The following EYA4 variants were observed in gnomAD, a reference collection of about 807,000 sequenced individuals.
The protein encoded by EYA4 is EYA transcriptional coactivator and phosphatase 4, also known as protein phosphatase EYA4.
Under a neutral mutation model 87.9 loss-of-function variants are expected in EYA4, and 31 were observed. The observed-to-expected ratio is 0.35, with a 90% CI of 0.27 to 0.48. The LOEUF (loss-of-function observed/expected upper bound fraction) is 0.48, where lower values mean the gene tolerates loss of function less well. Ranked by LOEUF, EYA4 falls within the 20% of genes least tolerant of loss-of-function variation. The pLI is 0.99. For synonymous variants in EYA4, 263 were observed against 270.6 expected, an observed-to-expected ratio of 0.97 and a Z score of 0.28; for missense variants, 678 against 761.4, an observed-to-expected ratio of 0.89 and a Z score of 1.29.
chr6:133,446,594 A>G (rs756894598), intron 3 of EYA4, 36 bp from the exon 4 acceptor site: 6 of 1,613,116 alleles, frequency 3.7e-6, no homozygotes, highest in East Asian at 2.2e-5. Flanking sequence ...AACTGCTGCA[A>G]TTTCAACTTT....
chr6:133,482,260 G>A lies in EYA4; in HGVS notation c.1107+661G>A, dbSNP rs183399013. On this transcript the variant is annotated intron_variant, in intron 12 of 19. Transcript: ENST00000355286. ...GATTTAGTAAAATCAAGTGACAGACGTTGTGATTCTTTATAAGAGATAACT... is the reference window on the plus strand; with the variant it reads ...GATTTAGTAAAATCAAGTGACAGACATTGTGATTCTTTATAAGAGATAACT... Among the ~76,000 whole-genome samples, 552 of 152,298 alleles carry A rather than the reference G, an allele frequency of 3.6e-3. 1 individual carries two copies. The highest frequency in any genetic ancestry group is 6.8e-3 in the Middle Eastern group (2 of 294).
rs117714284 is a variant in EYA4, at chr6:133,488,576, A to G, written c.1191+5461A>G. On this transcript the variant is annotated intron_variant, in intron 13 of 19. Transcript: ENST00000355286. ...GAGAGAGACCCCATTTGTTTGGGAG[A>G]AAGTAAGGGAATAGAACAAAAGTCT... Among the ~76,000 whole-genome samples the G allele has an allele frequency of 3.8e-3, 577 of 152,208 alleles. 4 individuals are homozygous for G. The highest frequency in any genetic ancestry group is 7.1e-3 in the Non-Finnish European group (484 of 68,014).
chr6:133,276,919 G>T (rs1344413623), intron 2 of EYA4, among the ~76,000 whole-genome samples: 1 of 141,836 alleles, frequency 7.1e-6, no homozygotes, highest in African/African-American at 2.6e-5. Flanking sequence ...AAAAAAAAAA[G>T]AAAAGAAAAA....
At chr6:133,339,269 ACAAGTTCAAATAC>A (rs1473508453) in intron 2 of EYA4, among the ~76,000 whole-genome samples, 1 of 152,202 alleles carries the variant, frequency 6.6e-6, no homozygotes, top group African/African-American at 2.4e-5. Context: ...TCTGAAGGAG[ACAAGTTCAAATAC>A]CAAGCTCAAA....
At chr6:133,504,878 C>T (rs1798455866) in intron 13 of EYA4, among the ~76,000 whole-genome samples, 1 of 152,088 alleles carries the variant, frequency 6.6e-6, no homozygotes, top group South Asian at 2.1e-4. Flanking sequence ...CTTGAAATGC[C>T]AACTATTAGA....
intron 2 of EYA4, among the ~76,000 whole-genome samples, chr6:133,278,289 T>G (rs1777342122): frequency 6.6e-6 from 1 of 152,120 alleles, no homozygotes; most frequent in Non-Finnish European, 1.5e-5. Context: ...ACTACCTCCT[T>G]TCTTCTCACC....
intron 11 of EYA4, among the ~76,000 whole-genome samples, chr6:133,473,744 C>A (rs925185779): frequency 1.3e-5 from 2 of 151,924 alleles, no homozygotes; most frequent in Admixed American, 1.3e-4. Context: ...GGCTTTTCAG[C>A]TAGCCTTAGC....
intron 2 of EYA4, among the ~76,000 whole-genome samples, chr6:133,377,175 C>T (rs868440763): frequency 1.3e-5 from 2 of 151,852 alleles, no homozygotes; most frequent in Admixed American, 6.6e-5. Context: ...AAATCCTATG[C>T]GTATTTTAAA....
chr6:133,467,252 AGG>A (rs575671017), intron 10 of EYA4, among the ~76,000 whole-genome samples: 1 of 152,236 alleles, frequency 6.6e-6, no homozygotes, highest in South Asian at 2.1e-4. Flanking sequence ...TGTTTGACTT[AGG>A]CACTCTGGGT....
At chr6:133,282,834 C>T (rs1582840152) in intron 2 of EYA4, among the ~76,000 whole-genome samples, 2 of 152,144 alleles carry the variant, frequency 1.3e-5, no homozygotes, top group East Asian at 1.9e-4. Context: ...CACCAAGCCT[C>T]ATAACTGCTA....
At chr6:133,452,445 CAG>C (rs55937594) in intron 5 of EYA4, among the ~76,000 whole-genome samples, 119 of 152,158 alleles carry the variant, frequency 7.8e-4, no homozygotes, top group Non-Finnish European at 1.5e-3. Context: ...GATAATAAAA[CAG>C]ACTTTCTCTA....
At chr6:133,476,015 T>A (rs1283674332) in intron 11 of EYA4, among the ~76,000 whole-genome samples, 2 of 152,088 alleles carry the variant, frequency 1.3e-5, no homozygotes, top group African/African-American at 2.4e-5. Flanking sequence ...TTATTTTAAT[T>A]TATTGTTTAA....
chr6:133,349,749 C>T (rs1244290915), intron 2 of EYA4, among the ~76,000 whole-genome samples: 1 of 152,114 alleles, frequency 6.6e-6, no homozygotes, highest in Admixed American at 6.5e-5. Context: ...CATAGGCAAA[C>T]AGTGCCTTGC....
At chr6:133,243,724 G>T (rs1582722211) in intron 1 of EYA4, among the ~76,000 whole-genome samples, 1 of 151,816 alleles carries the variant, frequency 6.6e-6, no homozygotes, top group Non-Finnish European at 1.5e-5. Flanking sequence ...AACTAGAGGG[G>T]GTGGGGAGAG....
At chr6:133,265,049 A>G (rs1191412616) in intron 1 of EYA4, among the ~76,000 whole-genome samples, 3 of 152,110 alleles carry the variant, frequency 2.0e-5, no homozygotes, top group Non-Finnish European at 2.9e-5. Flanking sequence ...GCCTCATTCC[A>G]TTTCTGAGAA....
Position 133,531,332 on chromosome 6 carries a change from C to G in EYA4, c.*2527C>G. On this transcript the variant is annotated 3_prime_UTR_variant, in exon 20 of 20. Coordinates refer to ENST00000355286, the MANE Select transcript of EYA4 (RefSeq NM_004100.5). ...CCATGGGACGTTGAGTATGCACAAA[C>G]TAGAACTCTTCCCTTCCCACCTTAG... 1.3e-6 allele frequency: 1 copy of G among 775,274 alleles called. No individual in the cohort carries two copies. The allele number at this position is 775,274 out of a possible 1,614,324, so 48.0% of individuals were successfully genotyped here. A position where few individuals can be genotyped will look rare whatever the true frequency, so the allele number is the denominator to read the frequency against.
At chr6:133,278,999 A>G (rs1262900663) in intron 2 of EYA4, among the ~76,000 whole-genome samples, 1 of 152,086 alleles carries the variant, frequency 6.6e-6, no homozygotes, top group Non-Finnish European at 1.5e-5. Context: ...GCAGAGAATG[A>G]GCAATATTTA....
At chr6:133,445,539 T>G (rs1328741774) in intron 3 of EYA4, among the ~76,000 whole-genome samples, 2 of 151,906 alleles carry the variant, frequency 1.3e-5, no homozygotes, top group Non-Finnish European at 2.9e-5. Flanking sequence ...TTCTTTGGGC[T>G]ACTGCACAGT....
chr6:133,255,413 AGT>A (rs1323116439), intron 1 of EYA4, among the ~76,000 whole-genome samples: 4 of 152,186 alleles, frequency 2.6e-5, no homozygotes, highest in African/African-American at 9.6e-5. Context: ...GTCATGTGAA[AGT>A]GTTTATTCAA....
Sources: allele counts gnomAD v4.1 joint callset (sites outside exome capture counted in the v4.1 genomes callset), GRCh38; gene constraint gnomAD v4.1.1; transcripts MANE v1.5; gene names NCBI Gene and HGNC (gene_info 2026-07-23, HGNC 2026-07-21).